PRELID2: variants seen among roughly 807,000 people sequenced by gnomAD.
PRELID2 encodes the protein PRELI domain-containing protein 2.
In PRELID2, 25 loss-of-function variants were observed where a neutral mutation model predicts 28.4. The observed-to-expected ratio is 0.88, with a 90% CI of 0.64 to 1.23. PRELID2 has a LOEUF of 1.23. Among genes scored for constraint, PRELID2 ranks in the 50% most tolerant of loss-of-function variants. The probability of loss-of-function intolerance (pLI) is 0.00; values close to 1 mark genes in which losing one functional copy is unlikely to be tolerated. For missense variants in PRELID2, 201 were observed against 214.4 expected, an observed-to-expected ratio of 0.94 and a Z score of 0.39; for synonymous variants, 76 against 71.6, an observed-to-expected ratio of 1.06 and a Z score of -0.31.
chr5:145,595,548 G>A (rs1753292923), intron 1 of PRELID2, among the ~76,000 whole-genome samples: 2 of 152,136 alleles, frequency 1.3e-5, no homozygotes, highest in African/African-American at 2.4e-5. Flanking sequence ...GCCAGGCACT[G>A]GACTAAGATG....
intron 1 of PRELID2, among the ~76,000 whole-genome samples, chr5:145,611,100 T>C (rs897191580): frequency 6.6e-6 from 1 of 151,836 alleles, no homozygotes; most frequent in Non-Finnish European, 1.5e-5. Context: ...GCAGATAATG[T>C]TTCTGTACAG....
At chr5:145,454,273 T>C in the PRELID2 span, among the ~76,000 whole-genome samples, 1 of 152,172 alleles carries the variant, frequency 6.6e-6, no homozygotes, top group African/African-American at 2.4e-5. Context: ...ATTGATGGGA[T>C]GTATCTCAAA....
chr5:145,490,039 T>C (rs1752255275), intron 1 of PRELID2, among the ~76,000 whole-genome samples: 1 of 152,190 alleles, frequency 6.6e-6, no homozygotes, highest in South Asian at 2.1e-4. Flanking sequence ...CTGTGCTATC[T>C]TACCCCAATT....
At chr5:145,490,565 G>T (rs1164508446) in intron 1 of PRELID2, among the ~76,000 whole-genome samples, 1 of 152,088 alleles carries the variant, frequency 6.6e-6, no homozygotes, top group Non-Finnish European at 1.5e-5. Context: ...CCATTCTAAG[G>T]CAGTTGAAAA....
chr5:145,270,294 C>T, the PRELID2 span, among the ~76,000 whole-genome samples: 1 of 152,074 alleles, frequency 6.6e-6, no homozygotes, highest in African/African-American at 2.4e-5. Context: ...CAAAAATATT[C>T]ATTGTATAGC....
the PRELID2 span, among the ~76,000 whole-genome samples, chr5:145,422,690 A>G: frequency 2.0e-5 from 3 of 151,976 alleles, no homozygotes; most frequent in South Asian, 6.2e-4. Context: ...TCTTTATCCA[A>G]TTTGCCAGTG....
chr5:145,353,293 A>AAC, the PRELID2 span, among the ~76,000 whole-genome samples: 5 of 151,816 alleles, frequency 3.3e-5, no homozygotes, highest in African/African-American at 4.8e-5. Context: ...TTCTACTAAA[A>AAC]ACACACACAC....
At chr5:145,659,320 A>C (rs1310792187) in intron 1 of PRELID2, among the ~76,000 whole-genome samples, 2 of 152,190 alleles carry the variant, frequency 1.3e-5, no homozygotes, top group East Asian at 3.8e-4. Flanking sequence ...ACTTCAGTTC[A>C]CAATTAGAAA....
At chr5:145,585,660 A>T (rs886832073) in intron 1 of PRELID2, among the ~76,000 whole-genome samples, 1 of 152,168 alleles carries the variant, frequency 6.6e-6, no homozygotes, top group Non-Finnish European at 1.5e-5. Context: ...CATACTAAAC[A>T]ATAAACGAAG....
chr5:145,648,305 A>G lies in PRELID2; in HGVS notation n.70+116626T>C, dbSNP rs117020109. On this transcript the variant is annotated intron_variant and non_coding_transcript_variant, in intron 1 of 2. Coordinates refer to the PRELID2 transcript ENST00000510259. ...TTTAAAGTGGACTACAGTGTCATTTATAGAGTTAAACACTAAATAATGTTT... is the reference window on the plus strand; with the variant it reads ...TTTAAAGTGGACTACAGTGTCATTTGTAGAGTTAAACACTAAATAATGTTT... Among the ~76,000 whole-genome samples, 34 of 152,334 alleles carry G rather than the reference A, an allele frequency of 2.2e-4. 1 individual carries two copies. In the East Asian group the frequency reaches 6.6e-3, roughly 29 times the overall value.
At chr5:145,605,054 A>T (rs1753484183) in intron 1 of PRELID2, among the ~76,000 whole-genome samples, 1 of 150,880 alleles carries the variant, frequency 6.6e-6, no homozygotes, top group Non-Finnish European at 1.5e-5. Flanking sequence ...TTAAGCTTTA[A>T]AGGGATTCTG....
chr5:145,229,435 C>G, the PRELID2 span: 13 of 797,900 alleles, frequency 1.6e-5, no homozygotes, highest in African/African-American at 2.2e-4. Flanking sequence ...CTCCAGGTCT[C>G]TACACAAAGA....
chr5:145,548,453 T>G (rs2126678762), intron 1 of PRELID2, among the ~76,000 whole-genome samples: 1 of 152,290 alleles, frequency 6.6e-6, no homozygotes, highest in Non-Finnish European at 1.5e-5. Flanking sequence ...TTGCTATAAG[T>G]TTAAACCTCT....
intron 1 of PRELID2, among the ~76,000 whole-genome samples, chr5:145,832,181 T>A (rs1037736070): frequency 2.0e-5 from 3 of 152,020 alleles, no homozygotes; most frequent in Admixed American, 2.0e-4. Flanking sequence ...GTTTTTTGGG[T>A]TTTTTTGTTT....
At chr5:145,620,457 G>A (rs1353382345) in intron 1 of PRELID2, among the ~76,000 whole-genome samples, 1 of 152,202 alleles carries the variant, frequency 6.6e-6, no homozygotes. Context: ...GCACTTTTGT[G>A]GGGGATATTG....
chr5:145,742,194 A>ATACATTTTTATTT (rs1561569233), intron 1 of PRELID2, among the ~76,000 whole-genome samples: 2 of 40,704 alleles, frequency 4.9e-5, no homozygotes, highest in Admixed American at 3.8e-4. Flanking sequence ...ATATATAAAT[A>ATACATTTTTATTT]ATAATATATA....
intron 1 of PRELID2, among the ~76,000 whole-genome samples, chr5:145,606,478 G>A (rs576795110): frequency 1.6e-4 from 25 of 152,196 alleles, no homozygotes; most frequent in African/African-American, 5.8e-4. Flanking sequence ...TTCACATGAA[G>A]GGATGTTGAA....
the PRELID2 span, among the ~76,000 whole-genome samples, chr5:145,326,097 C>T: frequency 3.3e-5 from 5 of 152,162 alleles, no homozygotes; most frequent in African/African-American, 1.2e-4. Context: ...CAGCCTCAAT[C>T]TTTGAGCTCA....
At chr5:145,729,909 G>C (rs1017433314) in intron 1 of PRELID2, among the ~76,000 whole-genome samples, 6 of 152,202 alleles carry the variant, frequency 3.9e-5, no homozygotes, top group African/African-American at 1.4e-4. Flanking sequence ...CTATTTATTG[G>C]TGATCAAAGA....
Sources: allele counts gnomAD v4.1 joint callset (sites outside exome capture counted in the v4.1 genomes callset), GRCh38; gene constraint gnomAD v4.1.1; transcripts MANE v1.5; gene names NCBI Gene and HGNC (gene_info 2026-07-23, HGNC 2026-07-21).